The following OLA1 variants were observed in gnomAD, a reference collection of about 807,000 sequenced individuals.
The protein encoded by OLA1 is obg-like ATPase 1.
Under a neutral mutation model 48.4 loss-of-function variants are expected in OLA1, and 14 were observed. The ratio of observed to expected loss-of-function variants is 0.29; its 90% CI spans 0.19 to 0.45. OLA1 has a LOEUF of 0.45. Ranked by LOEUF, OLA1 falls within the 20% of genes least tolerant of loss-of-function variation. The pLI is 1.00. For synonymous variants in OLA1, 127 were observed against 150.4 expected (o/e 0.84, Z 1.14); for missense variants, 325 against 467.1 (o/e 0.70, Z 2.80).
chr2:174,106,929 G>A (rs1685525587), intron 7 of OLA1, among the ~76,000 whole-genome samples: 1 of 152,112 alleles, frequency 6.6e-6, no homozygotes, highest in Non-Finnish European at 1.5e-5. Flanking sequence ...CAGACTCTGT[G>A]GGAGGCTCTT....
intron 5 of OLA1, among the ~76,000 whole-genome samples, chr2:174,137,550 G>A (rs1289557395): frequency 6.6e-6 from 1 of 152,178 alleles, no homozygotes; most frequent in African/African-American, 2.4e-5. Flanking sequence ...TTCTTCCAAG[G>A]CTGTTTTGTT....
intron 4 of OLA1, among the ~76,000 whole-genome samples, chr2:174,159,516 C>G (rs1297780235): frequency 6.6e-6 from 1 of 152,078 alleles, no homozygotes; most frequent in Non-Finnish European, 1.5e-5. Flanking sequence ...TACAAAAAAA[C>G]CCACAACTGC....
intron 4 of OLA1, among the ~76,000 whole-genome samples, chr2:174,157,490 T>C (rs1418430863): frequency 6.6e-6 from 1 of 152,206 alleles, no homozygotes; most frequent in South Asian, 2.1e-4. Flanking sequence ...TTGATGAAAG[T>C]ATAAACTATT....
chr2:174,135,289 T>A (rs1686284092), intron 5 of OLA1, among the ~76,000 whole-genome samples: 1 of 151,608 alleles, frequency 6.6e-6, no homozygotes, highest in Admixed American at 6.6e-5. Context: ...GAGAAAAAAG[T>A]AATGGTAAGC....
chr2:174,183,016 T>G (rs768152069), intron 4 of OLA1, among the ~76,000 whole-genome samples: 1 of 152,242 alleles, frequency 6.6e-6, no homozygotes, highest in Non-Finnish European at 1.5e-5. Flanking sequence ...AAAGACAGTT[T>G]CACCCTTAAG....
chr2:174,218,433 T>C (rs1177490987), intron 4 of OLA1, among the ~76,000 whole-genome samples: 4 of 152,194 alleles, frequency 2.6e-5, no homozygotes, highest in African/African-American at 7.2e-5. Flanking sequence ...ATTCTGACAG[T>C]TGTTATGTTT....
chr2:174,242,255 C>T (rs1689020009), intron 2 of OLA1, among the ~76,000 whole-genome samples: 1 of 152,208 alleles, frequency 6.6e-6, no homozygotes, highest in Non-Finnish European at 1.5e-5. Flanking sequence ...CAGGATGAAA[C>T]TGCCCCATTT....
intron 7 of OLA1, among the ~76,000 whole-genome samples, chr2:174,089,439 C>G (rs1440654416): frequency 4.6e-5 from 7 of 152,066 alleles, no homozygotes; most frequent in Non-Finnish European, 1.5e-5. Flanking sequence ...TAGTGGAGAA[C>G]AGTAAGGATA....
chr2:174,139,523 T>G (rs1377366210), intron 5 of OLA1, among the ~76,000 whole-genome samples: 1 of 152,242 alleles, frequency 6.6e-6, no homozygotes, highest in East Asian at 1.9e-4. Flanking sequence ...CACTCCTGCC[T>G]TCTTTATTTA....
At chr2:174,103,441 GC>G (rs1685444244) in intron 7 of OLA1, among the ~76,000 whole-genome samples, 1 of 152,138 alleles carries the variant, frequency 6.6e-6, no homozygotes, top group Non-Finnish European at 1.5e-5. Flanking sequence ...AAGTTGAGTA[GC>G]TACAACAGAG....
intron 2 of OLA1, among the ~76,000 whole-genome samples, chr2:174,235,882 T>C (rs1381958009): frequency 2.0e-5 from 3 of 152,120 alleles, no homozygotes; most frequent in Admixed American, 6.5e-5. Flanking sequence ...ACATGGAGAT[T>C]GGAACAGTTC....
chr2:174,092,864 A>T (rs1685160518), intron 7 of OLA1, among the ~76,000 whole-genome samples: 1 of 152,208 alleles, frequency 6.6e-6, no homozygotes. Flanking sequence ...TAAAAAAATC[A>T]TAGTACAGTG....
intron 4 of OLA1, among the ~76,000 whole-genome samples, chr2:174,197,239 C>G (rs1345748325): frequency 6.6e-6 from 1 of 152,088 alleles, no homozygotes; most frequent in Non-Finnish European, 1.5e-5. Flanking sequence ...AGAAGCTAAA[C>G]AAAACAACAA....
At position 174,233,725 on chromosome 2, in the gene OLA1, A is replaced by G. The variant is rs143647456; in HGVS notation, c.102-4274T>C. Reference sequence around the variant, plus strand: ...TTTCTTTAAAAAGTATCAAACTCAAATGGATAAATATTATACAAAATACCT... The same window carrying G: ...TTTCTTTAAAAAGTATCAAACTCAAGTGGATAAATATTATACAAAATACCT... On this transcript the variant is annotated intron_variant, in intron 2 of 10. Coordinates refer to ENST00000284719, the MANE Select transcript of OLA1 (RefSeq NM_013341.5). Among the ~76,000 whole-genome samples the G allele has an allele frequency of 2.0e-5, 3 of 152,326 alleles. No homozygotes were observed. In the East Asian group the frequency reaches 5.8e-4, roughly 29 times the overall value.
At chr2:174,148,281 G>A (rs1385841403) in intron 4 of OLA1, among the ~76,000 whole-genome samples, 1 of 152,040 alleles carries the variant, frequency 6.6e-6, no homozygotes, top group African/African-American at 2.4e-5. Context: ...CCAGCTACTT[G>A]GGGGTGCTGA....
At chr2:174,234,885 AT>A (rs1688809630) in intron 2 of OLA1, among the ~76,000 whole-genome samples, 1 of 152,202 alleles carries the variant, frequency 6.6e-6, no homozygotes, top group South Asian at 2.1e-4. Context: ...TAGGCGGGGC[AT>A]GGTAGCCCAA....
chr2:174,082,606 A>G (rs1281582950), intron 7 of OLA1, among the ~76,000 whole-genome samples: 1 of 152,124 alleles, frequency 6.6e-6, no homozygotes, highest in Non-Finnish European at 1.5e-5. Context: ...CCTAGCCAGA[A>G]CAAGCACGTG....
At chr2:174,148,703 T>G (rs540382848) in intron 4 of OLA1, among the ~76,000 whole-genome samples, 1 of 152,274 alleles carries the variant, frequency 6.6e-6, no homozygotes, top group South Asian at 2.1e-4. Context: ...GAAATGCATG[T>G]CATTTCTGGA....
rs937428104 is a variant in OLA1, at chr2:174,073,879, T to C, written c.*1547A>G. 6.6e-6 allele frequency: 1 copy of C among 152,246 alleles called. No individual in the cohort carries two copies. Among genetic ancestry groups the C allele is most frequent in the Non-Finnish European group, 1.5e-5 (1 of 68,032 alleles). The allele number at this position is 152,246 out of a possible 1,614,324, so 9.4% of individuals were successfully genotyped here. A position where few individuals can be genotyped will look rare whatever the true frequency, so the allele number is the denominator to read the frequency against. On this transcript the variant is annotated 3_prime_UTR_variant, in exon 11 of 11. Transcript: ENST00000284719. ...TACCTGTAGCCTAGTTTTATTTGTT[T>C]TATTTAGTTCTTTTAAAAAACCCTT...
Sources: gnomAD v4.1 joint callset for allele counts (sites outside exome capture counted in the v4.1 genomes callset) on GRCh38, gnomAD v4.1.1 for gene constraint, MANE v1.5 for transcripts, NCBI Gene and HGNC (gene_info 2026-07-23, HGNC 2026-07-21) for gene names.